The following SEC14L4 variants were observed in gnomAD, a reference collection of about 807,000 sequenced individuals.
SEC14L4 encodes the protein SEC14-like protein 4.
SEC14L4 carries 42 observed loss-of-function variants against 55.1 expected under a neutral mutation model. The observed-to-expected ratio is 0.76, with a 90% confidence interval of 0.60 to 0.99. SEC14L4 has a LOEUF of 0.99. Ranked by LOEUF, SEC14L4 falls within the 50% of genes least tolerant of loss-of-function variation. The probability of loss-of-function intolerance (pLI) is 0.00; values close to 1 mark genes in which losing one functional copy is unlikely to be tolerated. For missense variants in SEC14L4, 445 were observed against 512.1 expected, an observed-to-expected ratio of 0.87 and a Z score of 1.27; for synonymous variants, 206 against 206.8, an observed-to-expected ratio of 1.00 and a Z score of 0.03.
intron 1 of SEC14L4, 123 bp from the exon 2 acceptor site, chr22:30,503,875 G>C: frequency 1.5e-6 from 1 of 655,434 alleles, no homozygotes; most frequent in South Asian, 2.0e-5. Context: ...GCAGGGTGCT[G>C]CCCTGAACGA....
chr22:30,502,417 GC>G (rs1936358966), intron 2 of SEC14L4, among the ~76,000 whole-genome samples: 1 of 152,162 alleles, frequency 6.6e-6, no homozygotes, highest in Non-Finnish European at 1.5e-5. Flanking sequence ...CAATTCCAAA[GC>G]CAGCGTTTTA....
chr22:30,491,613 C>G lies in SEC14L4; in HGVS notation c.1041G>C (p.Val347=). ...LPSQRYNAHM[V]PEDGSLTCLQ... The stretch of plus-strand genomic sequence containing the variant: ...GGCAGGTGAGGCTCCCATCCTCAGG[C>G]ACCATGTGGGCATTGTAGCGCTGGC... The change falls in exon 11 of 12, where the codon GTG becomes GTC. Residue 347 remains valine (V), a synonymous_variant. Coordinates refer to ENST00000255858, the MANE Select transcript of SEC14L4 (RefSeq NM_174977.4). 1 of 1,614,164 alleles carries G rather than the reference C, an allele frequency of 6.2e-7. No individual in the cohort carries two copies.
At position 30,490,269 on chromosome 22, in the gene SEC14L4, A is replaced by G. The variant is rs774326703; in HGVS notation, c.1082-23T>C. On this transcript the variant is annotated intron_variant, in intron 11 of 11. Coordinates refer to ENST00000255858, the MANE Select transcript of SEC14L4 (RefSeq NM_174977.4). ...CATCTGCAGTGATGGAGAGGTGATCAGGGAGCACAAACCCCGCACATCTGC... is the reference window on the plus strand; with the variant it reads ...CATCTGCAGTGATGGAGAGGTGATCGGGGAGCACAAACCCCGCACATCTGC... The G allele has an allele frequency of 3.7e-6, 6 of 1,610,326 alleles. No individual in the cohort carries two copies. The Admixed American group carries it at 6.7e-5, about 18-fold the overall frequency.
intron 7 of SEC14L4, among the ~76,000 whole-genome samples, chr22:30,493,886 C>G (rs1461514015): frequency 3.3e-5 from 5 of 152,134 alleles, no homozygotes; most frequent in African/African-American, 1.2e-4. Flanking sequence ...CACCTGTAAT[C>G]CCAGCTACTA....
Position 30,495,312 on chromosome 22 carries a change from C to T in SEC14L4, c.365G>A (p.Arg122Gln), listed in dbSNP as rs142968608. Reference sequence around the variant, plus strand: ...CAGCTCACAGACTTTGATGCGCTTCCGGATCATATCCTGCTTGGAGGCTGA... The same window carrying T: ...CAGCTCACAGACTTTGATGCGCTTCTGGATCATATCCTGCTTGGAGGCTGA... ...LLSASKQDMI[R>Q]KRIKVCELLL... The change falls in exon 5 of 12, where the codon CGG becomes CAG. Residue 122 changes from arginine (R) to glutamine (Q), a missense_variant. Transcript: ENST00000255858. 190 of 1,613,912 alleles carry T rather than the reference C, an allele frequency of 1.2e-4. No individual in the cohort carries two copies. In the African/African-American group the frequency reaches 1.9e-3, roughly 16 times the overall value.
chr22:30,494,995 A>T (rs1556018300), intron 5 of SEC14L4, 34 bp from the exon 6 acceptor site: 3 of 1,575,972 alleles, frequency 1.9e-6, no homozygotes, highest in Non-Finnish European at 2.6e-6. Context: ...GTCAGACGAC[A>T]GCTCCAGCCA....
rs776717872 is a variant in SEC14L4, at chr22:30,495,580, C to T, written c.234+3G>A. The stretch of plus-strand genomic sequence containing the variant: ...GGCCTGGGGGATGCTGCTCGAGGCT[C>T]ACCTCAGGGGGCTGCCATGTGACAA... On this transcript the variant is annotated splice_donor_region_variant and intron_variant, in intron 4 of 11. Transcript: ENST00000255858. 7.4e-6 allele frequency: 12 copies of T among 1,613,904 alleles called. No homozygotes were observed. The highest frequency in any genetic ancestry group is 8.5e-6 in the Non-Finnish European group (10 of 1,180,000).
At chr22:30,500,842 T>C (rs771165307) in intron 2 of SEC14L4, among the ~76,000 whole-genome samples, 1 of 135,058 alleles carries the variant, frequency 7.4e-6, no homozygotes, top group Admixed American at 8.9e-5. Flanking sequence ...CCTGCCCTGA[T>C]GGAACTGGCA....
Position 30,505,653 on chromosome 22 carries a change from C to G in SEC14L4, c.-42G>C. The G allele has an allele frequency of 6.6e-7, 1 of 1,505,160 alleles. No homozygotes were observed. Among genetic ancestry groups the G allele is most frequent in the Non-Finnish European group, 8.9e-7 (1 of 1,128,078 alleles). 93.2% of individuals were successfully genotyped at this position (1,505,160 alleles called of 1,614,324 possible). Reference sequence around the variant, plus strand: ...GAAAGGCTCAGGGCGCAGGTCCGCCCGCCCGCCGCCGCCTGGCCTTGTATC... The same window carrying G: ...GAAAGGCTCAGGGCGCAGGTCCGCCGGCCCGCCGCCGCCTGGCCTTGTATC... On this transcript the variant is annotated 5_prime_UTR_variant, in exon 1 of 12. Transcript: ENST00000255858.
Position 30,490,145 on chromosome 22 carries a change from G to A in SEC14L4, c.1183C>T (p.Gln395Ter). Residue 395 changes from glutamine (Q) to a stop codon, truncating the protein, a stop_gained, in exon 12 of 12, where the codon CAG (glutamine) becomes TAG (stop). Coordinates refer to ENST00000255858, the MANE Select transcript of SEC14L4 (RefSeq NM_174977.4). LOFTEE classifies it low-confidence loss of function (END_TRUNC). ...GAGGGTCTCATCGCCTTGAGACTCT[G>A]CAGCGTCTCCTCAGAGGCCTTGTCG... ...LPDKASEETLQSLKAMRPSPT... is the reference protein window; with the variant it reads ...LPDKASEETL The A allele has an allele frequency of 1.9e-6, 3 of 1,614,186 alleles. No homozygotes were observed. The highest frequency in any genetic ancestry group is 1.7e-6 in the Non-Finnish European group (2 of 1,180,014).
In SEC14L4 at chr22:30,493,944, C is replaced by T. The variant is rs1233423399; in HGVS notation, c.580+206G>A. Among the ~76,000 whole-genome samples the T allele has an allele frequency of 1.3e-5, 2 of 152,130 alleles. 1 individual carries two copies. Among genetic ancestry groups the T allele is most frequent in the Non-Finnish European group, 2.9e-5 (2 of 68,028 alleles). On this transcript the variant is annotated intron_variant, in intron 7 of 11. Transcript: ENST00000255858. Reference sequence around the variant, plus strand: ...GCTTGAACCCAGGAGGCGGAGGTTGCAGTGAGCCAATATCATGCCACTGCA... The same window carrying T: ...GCTTGAACCCAGGAGGCGGAGGTTGTAGTGAGCCAATATCATGCCACTGCA...
intron 7 of SEC14L4, 159 bp from the exon 8 acceptor site, chr22:30,492,716 T>TA (rs1349003576): frequency 1.6e-6 from 1 of 624,516 alleles, no homozygotes; most frequent in Non-Finnish European, 2.9e-6. Context: ...CTCCAAGTCT[T>TA]AGTGCAGTTA....
At chr22:30,492,975 T>C (rs1936013967) in intron 7 of SEC14L4, among the ~76,000 whole-genome samples, 1 of 150,124 alleles carries the variant, frequency 6.7e-6, no homozygotes, top group African/African-American at 2.5e-5. Flanking sequence ...TCCCGGCTAC[T>C]CGGGTGGCAG....
In SEC14L4 at chr22:30,491,896, G is replaced by A. The variant is rs768045625; in HGVS notation, c.849C>T (p.Ser283=). 1.5e-5 allele frequency: 25 copies of A among 1,613,424 alleles called. No homozygotes were observed. The highest frequency in any genetic ancestry group is 3.3e-5 in the South Asian group (3 of 91,024). Reference sequence around the variant, plus strand: ...CCTGCAGGGAGGAGCCGCGGCCCACGGACCTCGTGTGCTCATACTGCAGCC... The same window carrying A: ...CCTGCAGGGAGGAGCCGCGGCCCACAGACCTCGTGTGCTCATACTGCAGCC... ...QVRLQYEHTR[S]VGRGSSLQVE... is the part of the protein sequence containing the mutation. The change falls in exon 10 of 12, where the codon TCC becomes TCT. Residue 283 remains serine (S), a synonymous_variant. Coordinates refer to ENST00000255858, the MANE Select transcript of SEC14L4 (RefSeq NM_174977.4).
chr22:30,505,607 C>T lies in SEC14L4; in HGVS notation c.5G>A (p.Ser2Asn). M[S>N]SRVGDLSPQQ... is the part of the protein sequence containing the mutation. Reference sequence around the variant, plus strand: ...GGGGCTCAGGTCCCCGACTCGGCTGCTCATGGTGCCCGCGGGCGCAGAAAG... The same window carrying T: ...GGGGCTCAGGTCCCCGACTCGGCTGTTCATGGTGCCCGCGGGCGCAGAAAG... Residue 2 changes from serine to asparagine, a missense_variant, in exon 1 of 12, where the codon AGC becomes AAC. Transcript: ENST00000255858. 6.4e-7 allele frequency: 1 copy of T among 1,559,398 alleles called. No homozygotes were observed. Among genetic ancestry groups the T allele is most frequent in the Non-Finnish European group, 8.6e-7 (1 of 1,156,916 alleles).
Position 30,505,622 on chromosome 22 carries a change from G to A in SEC14L4, c.-11C>T. 1 of 1,548,870 alleles carries A rather than the reference G, an allele frequency of 6.5e-7. No individual in the cohort carries two copies. Among genetic ancestry groups the A allele is most frequent in the Non-Finnish European group, 8.7e-7 (1 of 1,152,214 alleles). On this transcript the variant is annotated 5_prime_UTR_variant, in exon 1 of 12. Coordinates refer to ENST00000255858, the MANE Select transcript of SEC14L4 (RefSeq NM_174977.4). ...GACTCGGCTGCTCATGGTGCCCGCG[G>A]GCGCAGAAAGGCTCAGGGCGCAGGT...
intron 1 of SEC14L4, among the ~76,000 whole-genome samples, chr22:30,505,164 T>C (rs909264520): frequency 2.7e-5 from 4 of 148,258 alleles, no homozygotes; most frequent in Non-Finnish European, 3.0e-5. Flanking sequence ...ACAGAGAAGC[T>C]TGGGCCCTAA....
rs779949308 is a variant in SEC14L4 at position 30,503,806 on chromosome 22, C to G, written c.55-54G>C. The stretch of plus-strand genomic sequence containing the variant: ...GGAGCTCTCATGACCTCGGGGGCCA[C>G]CAACCCCGCCCCTAACCCTTCCCAC... On this transcript the variant is annotated intron_variant, in intron 1 of 11. Coordinates refer to ENST00000255858, the MANE Select transcript of SEC14L4 (RefSeq NM_174977.4). 2.2e-6 allele frequency: 3 copies of G among 1,386,828 alleles called. No individual in the cohort carries two copies. In the African/African-American group the frequency reaches 4.3e-5, roughly 20 times the overall value. 85.9% of individuals were successfully genotyped at this position (1,386,828 alleles called of 1,614,324 possible).
At chr22:30,504,410 G>A (rs145878660) in intron 1 of SEC14L4, among the ~76,000 whole-genome samples, 2,662 of 152,218 alleles carry the variant, frequency 0.017, 48 homozygotes, top group Middle Eastern at 0.048. Context: ...CCAGCTAGGC[G>A]GTTTTAGGAA....
Sources: gnomAD v4.1 joint callset for allele counts (sites outside exome capture counted in the v4.1 genomes callset) on GRCh38, gnomAD v4.1.1 for gene constraint, MANE v1.5 for transcripts, NCBI Gene and HGNC (gene_info 2026-07-23, HGNC 2026-07-21) for gene names.